Variants in DYNC2H1 observed in about 807,000 individuals in gnomAD.
The protein encoded by DYNC2H1 is dynein cytoplasmic 2 heavy chain 1.
Under a neutral mutation model 570.0 loss-of-function variants are expected in DYNC2H1, and 410 were observed. That is an observed-to-expected ratio of 0.72 (90% confidence interval 0.66 to 0.78). The LOEUF (loss-of-function observed/expected upper bound fraction) is 0.78. Among genes scored for constraint, DYNC2H1 ranks in the 30% least tolerant of loss-of-function variants. The probability of loss-of-function intolerance (pLI) is 0.00; values close to 1 mark genes in which losing one functional copy is unlikely to be tolerated. For synonymous variants in DYNC2H1, 1,688 were observed against 1,677.6 expected, an observed-to-expected ratio of 1.01 and a Z score of -0.15; for missense variants, 4,865 against 5,046.4, an observed-to-expected ratio of 0.96 and a Z score of 1.09.
intron 59 of DYNC2H1, 72 bp from the exon 60 acceptor site, chr11:103,231,188 T>G (rs1375475557): frequency 1.1e-5 from 9 of 840,900 alleles, no homozygotes; most frequent in Non-Finnish European, 1.7e-5. Context: ...GATTACATTT[T>G]AAGGTGCTGC....
chr11:103,396,996 G>GA (rs1162084091), intron 83 of DYNC2H1, among the ~76,000 whole-genome samples: 3 of 152,046 alleles, frequency 2.0e-5, no homozygotes, highest in African/African-American at 7.2e-5. Context: ...GGTAAGGGTT[G>GA]AAAAAATACC....
intron 1 of DYNC2H1, among the ~76,000 whole-genome samples, chr11:103,112,938 T>A (rs1269462975): frequency 6.6e-6 from 1 of 152,220 alleles, no homozygotes; most frequent in South Asian, 2.1e-4. Flanking sequence ...TTTAAAATAA[T>A]CTAGCTATAT....
chr11:103,283,630 A>G (rs1164402861), intron 73 of DYNC2H1, among the ~76,000 whole-genome samples: 2 of 152,208 alleles, frequency 1.3e-5, no homozygotes, highest in Admixed American at 1.3e-4. Context: ...ATCTCACTAA[A>G]TATTTTCAAT....
intron 88 of DYNC2H1, among the ~76,000 whole-genome samples, chr11:103,475,357 C>G (rs998995183): frequency 1.3e-5 from 2 of 152,098 alleles, no homozygotes; most frequent in African/African-American, 4.8e-5. Flanking sequence ...TTAGTTTCAT[C>G]CAAATACTTC....
At position 103,176,437 on chromosome 11, in the gene DYNC2H1, A is replaced by G; in HGVS notation, c.5874+3A>G. ...ATTATGAAATTATACCCAATCAGGT[A>G]ACTGTCAAGAATATTTTATAATAGA... On this transcript the variant is annotated splice_donor_region_variant and intron_variant, in intron 37 of 88. Transcript: ENST00000375735. 6.7e-7 allele frequency: 1 copy of G among 1,503,038 alleles called. No individual in the cohort carries two copies. Among genetic ancestry groups the G allele is most frequent in the Non-Finnish European group, 8.8e-7 (1 of 1,130,492 alleles). 93.1% of individuals were successfully genotyped at this position (1,503,038 alleles called of 1,614,324 possible). A position where few individuals can be genotyped will look rare whatever the true frequency, so the allele number is the denominator to read the frequency against.
chr11:103,204,745 T>G lies in DYNC2H1; in HGVS notation c.8312-77T>G, dbSNP rs1330832485. ...AAGAAACAACTCCTACTATTTCATT[T>G]GAGAAAATTTTGATCTCTTTAACCC... On this transcript the variant is annotated intron_variant, in intron 51 of 88. Transcript: ENST00000375735. The surrounding 1 kb of genome is among the most constrained non-coding windows in gnomAD (Gnocchi z 4.1). 1 of 1,116,830 alleles carries G rather than the reference T, an allele frequency of 9.0e-7. No individual in the cohort carries two copies. Among genetic ancestry groups the G allele is most frequent in the Non-Finnish European group, 1.2e-6 (1 of 803,890 alleles). The allele number at this position is 1,116,830 out of a possible 1,614,324, so 69.2% of individuals were successfully genotyped here. A position where few individuals can be genotyped will look rare whatever the true frequency, so the allele number is the denominator to read the frequency against.
In DYNC2H1 at chr11:103,186,144, C is replaced by A; in HGVS notation, c.6634-98C>A. 1 of 1,212,586 alleles carries A rather than the reference C, an allele frequency of 8.2e-7. No homozygotes were observed. Among genetic ancestry groups the A allele is most frequent in the Non-Finnish European group, 1.1e-6 (1 of 887,958 alleles). 75.1% of individuals were successfully genotyped at this position (1,212,586 alleles called of 1,614,324 possible). ...TAGTTTATGTAAAGTTTTCTTGGAA[C>A]TAAGATGATTTACTTTTGGGATATT... On this transcript the variant is annotated intron_variant, in intron 41 of 88. Transcript: ENST00000375735. This position sits in a 1 kb window ranked among gnomAD's most constrained non-coding sequence, Gnocchi z 4.5.
At chr11:103,161,686 C>T (rs1861100486) in intron 29 of DYNC2H1, among the ~76,000 whole-genome samples, 1 of 152,104 alleles carries the variant, frequency 6.6e-6, no homozygotes, top group African/African-American at 2.4e-5. Flanking sequence ...GAACATGGTA[C>T]TCAATACATT....
chr11:103,403,326 A>G (rs556215720), intron 84 of DYNC2H1: 2 of 152,184 alleles, frequency 1.3e-5, no homozygotes, highest in African/African-American at 4.8e-5. Context: ...GGTGTGTAAT[A>G]AATGAAATTT....
chr11:103,417,225 G>A (rs530303811), intron 84 of DYNC2H1, among the ~76,000 whole-genome samples: 34 of 152,124 alleles, frequency 2.2e-4, no homozygotes, highest in Non-Finnish European at 4.3e-4. Context: ...GACTACAGGC[G>A]CATGCCACCA....
At position 103,203,533 on chromosome 11, in the gene DYNC2H1, G is replaced by A; in HGVS notation, c.8198-130G>A. Reference sequence around the variant, plus strand: ...GAGGGCTATAGATAAAGATTTGTGAGTCAAGTAGAGGTAATAAAGTTTGTA... The same window carrying A: ...GAGGGCTATAGATAAAGATTTGTGAATCAAGTAGAGGTAATAAAGTTTGTA... On this transcript the variant is annotated intron_variant, in intron 50 of 88. Coordinates refer to ENST00000375735, the MANE Select transcript of DYNC2H1 (RefSeq NM_001377.3). This position sits in a 1 kb window ranked among gnomAD's most constrained non-coding sequence, Gnocchi z 4.7. 1.7e-6 allele frequency: 1 copy of A among 604,988 alleles called. No individual in the cohort carries two copies. 37.5% of individuals were successfully genotyped at this position (604,988 alleles called of 1,614,324 possible). A position where few individuals can be genotyped will look rare whatever the true frequency, so the allele number is the denominator to read the frequency against.
rs189110249 is a variant in DYNC2H1, at chr11:103,301,398, T to G, written c.11096-1695T>G. On this transcript the variant is annotated intron_variant, in intron 75 of 88. Transcript: ENST00000375735. ...AAGACTTTTGATACACTTTATTAAA[T>G]CAGACAATATATTTAATTGGCCTAG... Among the ~76,000 whole-genome samples the G allele has an allele frequency of 5.4e-3, 825 of 152,070 alleles. 6 individuals carry two copies. The highest frequency in any genetic ancestry group is 0.019 in the African/African-American group (787 of 41,562).
chr11:103,428,999 G>A (rs1383159792), intron 84 of DYNC2H1, among the ~76,000 whole-genome samples: 3 of 151,910 alleles, frequency 2.0e-5, no homozygotes, highest in Non-Finnish European at 4.4e-5. Flanking sequence ...AGTGGCTCAC[G>A]CCTGTAATCC....
At chr11:103,357,644 A>G (rs771761748) in intron 82 of DYNC2H1, among the ~76,000 whole-genome samples, 5 of 152,214 alleles carry the variant, frequency 3.3e-5, no homozygotes, top group African/African-American at 4.8e-5. Context: ...GAGTAATTAG[A>G]GCTTTCTGGA....
intron 84 of DYNC2H1, among the ~76,000 whole-genome samples, chr11:103,430,543 G>C (rs1180735427): frequency 6.6e-6 from 1 of 151,786 alleles, no homozygotes; most frequent in Non-Finnish European, 1.5e-5. Context: ...ATTTCTACTA[G>C]GGTAATCCTT....
At chr11:103,295,020 A>C (rs1357749626) in intron 75 of DYNC2H1, among the ~76,000 whole-genome samples, 1 of 152,062 alleles carries the variant, frequency 6.6e-6, no homozygotes, top group East Asian at 1.9e-4. Context: ...TGGTGATGCA[A>C]GTACTCTTGT....
At chr11:103,456,401 A>G (rs1257247349) in intron 87 of DYNC2H1, 45 bp downstream of exon 87, 1 of 1,477,442 alleles carries the variant, frequency 6.8e-7, no homozygotes, top group Non-Finnish European at 9.3e-7. Context: ...CTTATCACCA[A>G]CTGATATAAG....
At chr11:103,246,506 A>C (rs1456637257) in intron 65 of DYNC2H1, among the ~76,000 whole-genome samples, 1 of 152,072 alleles carries the variant, frequency 6.6e-6, no homozygotes, top group East Asian at 1.9e-4. Flanking sequence ...ATTTTATATC[A>C]TGATTGGTTC....
chr11:103,302,782 T>C (rs1382969589), intron 75 of DYNC2H1, among the ~76,000 whole-genome samples: 2 of 152,198 alleles, frequency 1.3e-5, no homozygotes, highest in East Asian at 3.9e-4. Flanking sequence ...ACAGTACAGC[T>C]ACAGGCCTGT....
Sources: allele counts gnomAD v4.1 joint callset (sites outside exome capture counted in the v4.1 genomes callset), GRCh38; gene constraint gnomAD v4.1.1; non-coding constraint Gnocchi (gnomAD v3.1); transcripts MANE v1.5; gene names NCBI Gene and HGNC (gene_info 2026-07-23, HGNC 2026-07-21).